DMRT1: variants seen among roughly 807,000 people sequenced by gnomAD.
DMRT1 encodes doublesex and mab-3 related transcription factor 1.
DMRT1 carries 7 observed loss-of-function variants against 32.3 expected under a neutral mutation model. The ratio of observed to expected loss-of-function variants is 0.22; its 90% confidence interval spans 0.12 to 0.41. DMRT1 has a LOEUF of 0.41. Ranked by LOEUF, DMRT1 falls within the 10% of genes least tolerant of loss-of-function variation. The pLI, the probability that DMRT1 is intolerant of heterozygous loss-of-function variation, is 1.00. For missense variants in DMRT1, 625 were observed against 500.5 expected, an observed-to-expected ratio of 1.25 and a Z score of -2.37; for synonymous variants, 278 against 206.1, an observed-to-expected ratio of 1.35 and a Z score of -2.99.
intron 4 of DMRT1, among the ~76,000 whole-genome samples, chr9:918,735 T>C (rs2129786499): frequency 9.2e-6 from 1 of 108,412 alleles, no homozygotes; most frequent in Non-Finnish European, 2.0e-5. Flanking sequence ...AAGTAAAATC[T>C]CAGCACTATC....
chr9:938,383 A>G (rs578165241), intron 4 of DMRT1, among the ~76,000 whole-genome samples: 4 of 152,346 alleles, frequency 2.6e-5, no homozygotes, highest in Middle Eastern at 3.4e-3. Context: ...CATCTTAACA[A>G]TATTAAGTCT....
chr9:850,962 G>C (rs1839120289), intron 2 of DMRT1, among the ~76,000 whole-genome samples: 1 of 151,262 alleles, frequency 6.6e-6, no homozygotes, highest in Non-Finnish European at 1.5e-5. Context: ...CTGGGAGGTG[G>C]AGGTTGCAGT....
intron 2 of DMRT1, among the ~76,000 whole-genome samples, chr9:864,773 T>G (rs937241787): frequency 6.6e-6 from 1 of 152,168 alleles, no homozygotes; most frequent in Non-Finnish European, 1.5e-5. Context: ...GTGCTGGGAT[T>G]ACAGGCGTGA....
chr9:968,671 C>CA lies in DMRT1; in HGVS notation c.*533dup. The CA allele has an allele frequency of 6.5e-6, 1 of 153,550 alleles. No individual in the cohort carries two copies. Among genetic ancestry groups the CA allele is most frequent in the African/African-American group, 2.4e-5 (1 of 41,472 alleles). 9.5% of individuals were successfully genotyped at this position (153,550 alleles called of 1,614,324 possible). A position where few individuals can be genotyped will look rare whatever the true frequency, so the allele number is the denominator to read the frequency against. ...TGTGTGTTGCTGTTGGAAATAGCCC[C>CA]ACCCCATCCTCCCAATCCAAAACGT... is the stretch of plus-strand genomic sequence containing the variant. On this transcript the variant is annotated 3_prime_UTR_variant, in exon 5 of 5. Coordinates refer to ENST00000382276, the MANE Select transcript of DMRT1 (RefSeq NM_021951.3).
At chr9:933,411 C>T (rs555546365) in intron 4 of DMRT1, among the ~76,000 whole-genome samples, 7 of 152,280 alleles carry the variant, frequency 4.6e-5, no homozygotes, top group East Asian at 1.9e-4. Context: ...TATGTTTCTG[C>T]GATACCACAG....
At chr9:880,957 C>T (rs900211615) in intron 2 of DMRT1, among the ~76,000 whole-genome samples, 5 of 152,044 alleles carry the variant, frequency 3.3e-5, no homozygotes, top group South Asian at 2.1e-4. Context: ...ACAGCTGCTG[C>T]GATAAGATGT....
intron 4 of DMRT1, among the ~76,000 whole-genome samples, chr9:930,271 A>G (rs545150562): frequency 1.3e-5 from 2 of 151,924 alleles, no homozygotes; most frequent in African/African-American, 2.4e-5. Context: ...GTGCAGTGGC[A>G]TGATAATAGC....
At chr9:876,990 C>G (rs529565547) in intron 2 of DMRT1, among the ~76,000 whole-genome samples, 1 of 151,874 alleles carries the variant, frequency 6.6e-6, no homozygotes, top group Non-Finnish European at 1.5e-5. Flanking sequence ...AAGAGGCTGC[C>G]TCAGCCATGG....
At chr9:884,477 C>T (rs7847296) in intron 2 of DMRT1, among the ~76,000 whole-genome samples, 9,504 of 152,004 alleles carry the variant, frequency 0.063, 588 homozygotes, top group African/African-American at 0.16. Context: ...TAAGAGGTGA[C>T]TGAGCTCATA....
chr9:876,550 A>G (rs1244119086), intron 2 of DMRT1, among the ~76,000 whole-genome samples: 5 of 149,442 alleles, frequency 3.3e-5, no homozygotes, highest in Admixed American at 6.7e-5. Flanking sequence ...TAATCTATTG[A>G]GACAGAGTCT....
chr9:893,795 G>C (rs1437953427), intron 2 of DMRT1, 117 bp from the exon 3 acceptor site: 4 of 924,298 alleles, frequency 4.3e-6, no homozygotes, highest in South Asian at 1.4e-5. Context: ...AGATGGTTTT[G>C]TCTTCTGCAT....
rs140608243 is a variant in DMRT1, at chr9:861,050, CTTTTT to C, written c.538+13925_538+13929del. 3.8e-3 allele frequency among the ~76,000 whole-genome samples: 457 copies of C among 121,352 alleles called. 2 individuals carry two copies. Among genetic ancestry groups the C allele is most frequent in the Middle Eastern group, 9.0e-3 (2 of 222 alleles). The allele number at this position is 121,352 out of a possible 152,430, so 79.6% of individuals were successfully genotyped here. On this transcript the variant is annotated intron_variant, in intron 2 of 4. Coordinates refer to ENST00000382276, the MANE Select transcript of DMRT1 (RefSeq NM_021951.3). ...TGAATGGTGTGATCTAATTTACTTT[CTTTTT>C]TTTTTTTTTTTTTTTTTAGTATTTA...
intron 4 of DMRT1, 137 bp from the exon 5 acceptor site, chr9:967,846 ACT>A (rs1459866557): frequency 1.2e-6 from 1 of 836,058 alleles, no homozygotes; most frequent in African/African-American, 1.7e-5. Context: ...CTATAAAAAC[ACT>A]TTCAACTCAG....
chr9:965,044 A>G lies in DMRT1; in HGVS notation c.968-2941A>G, dbSNP rs546719648. Reference sequence around the variant, plus strand: ...TTTAATTGGTATGAAATAATTTACAACGGTCAACTATTAGCCTTCTCCTTC... The same window carrying G: ...TTTAATTGGTATGAAATAATTTACAGCGGTCAACTATTAGCCTTCTCCTTC... On this transcript the variant is annotated intron_variant, in intron 4 of 4. Coordinates refer to ENST00000382276, the MANE Select transcript of DMRT1 (RefSeq NM_021951.3). The surrounding 1 kb of genome is among the most constrained non-coding windows in gnomAD (Gnocchi z 4.5). Among the ~76,000 whole-genome samples the G allele has an allele frequency of 1.5e-4, 23 of 152,350 alleles. No individual in the cohort carries two copies. Among genetic ancestry groups the G allele is most frequent in the African/African-American group, 4.6e-4 (19 of 41,582 alleles).
At chr9:955,484 G>C (rs1819569943) in intron 4 of DMRT1, among the ~76,000 whole-genome samples, 1 of 152,236 alleles carries the variant, frequency 6.6e-6, no homozygotes, top group Admixed American at 6.5e-5. Context: ...GCAGGTGGAT[G>C]GCTTGAGCCC....
intron 2 of DMRT1, among the ~76,000 whole-genome samples, chr9:875,318 A>G (rs1816450636): frequency 2.0e-5 from 3 of 152,270 alleles, no homozygotes; most frequent in Non-Finnish European, 4.4e-5. Context: ...CTGCCCACAG[A>G]CTTTGCAAAC....
intron 2 of DMRT1, among the ~76,000 whole-genome samples, chr9:878,218 A>T (rs1816591671): frequency 4.2e-5 from 2 of 47,784 alleles, no homozygotes; most frequent in Admixed American, 6.2e-4. Flanking sequence ...CCCACCCAAT[A>T]AAAATGTCTG....
At chr9:858,167 C>G (rs926512044) in intron 2 of DMRT1, among the ~76,000 whole-genome samples, 9 of 152,098 alleles carry the variant, frequency 5.9e-5, no homozygotes, top group Non-Finnish European at 1.2e-4. Context: ...AAAGAGAAAA[C>G]CCGAGAGTTG....
intron 2 of DMRT1, among the ~76,000 whole-genome samples, chr9:881,821 T>G (rs1285347360): frequency 6.6e-6 from 1 of 152,164 alleles, no homozygotes; most frequent in African/African-American, 2.4e-5. Flanking sequence ...ACCCCCAAAC[T>G]CAAGCTTTCC....
Sources: allele counts gnomAD v4.1 joint callset (sites outside exome capture counted in the v4.1 genomes callset), GRCh38; gene constraint gnomAD v4.1.1; non-coding constraint Gnocchi (gnomAD v3.1); transcripts MANE v1.5; gene names NCBI Gene and HGNC (gene_info 2026-07-23, HGNC 2026-07-21).